The following CACNA1E variants were observed in gnomAD, a reference collection of about 807,000 sequenced individuals.
CACNA1E encodes the protein voltage-dependent R-type calcium channel subunit alpha-1E.
CACNA1E carries 40 observed loss-of-function variants against 259.2 expected under a neutral mutation model. The ratio of observed to expected loss-of-function variants is 0.15; its 90% confidence interval spans 0.12 to 0.20. The LOEUF (loss-of-function observed/expected upper bound fraction) is 0.20. CACNA1E is among the 10% of genes least tolerant of loss of function. The pLI, the probability that CACNA1E is intolerant of heterozygous loss-of-function variation, is 1.00. For synonymous variants in CACNA1E, 1,104 were observed against 1,138.5 expected (o/e 0.97, Z 0.61); for missense variants, 1,874 against 3,040.1 (o/e 0.62, Z 9.02).
At chr1:181,694,337 G>T (rs1016044098) in intron 7 of CACNA1E, among the ~76,000 whole-genome samples, 1 of 152,118 alleles carries the variant, frequency 6.6e-6, no homozygotes, top group Non-Finnish European at 1.5e-5. Flanking sequence ...ATTAATAATA[G>T]AAAAGAACTT....
Position 181,772,066 on chromosome 1 carries a change from G to A in CACNA1E, c.4974G>A (p.Arg1658=), listed in dbSNP as rs771751374. The A allele has an allele frequency of 1.2e-6, 2 of 1,613,654 alleles. No individual in the cohort carries two copies. The highest frequency in any genetic ancestry group is 1.7e-5 in the Admixed American group (1 of 59,996). ...TAACCAAAATGTCTCTTGGGCTCAGGAGTGCCACAGGTGAGGCCTGGCAGG... is the reference window on the plus strand; with the variant it reads ...TAACCAAAATGTCTCTTGGGCTCAGAAGTGCCACAGGTGAGGCCTGGCAGG... The part of the protein sequence containing the change: ...SFFGSLMLLF[R]SATGEAWQEI... The change falls in exon 37 of 48, where the codon AGG becomes AGA. Residue 1658 remains arginine (R), a splice_region_variant and synonymous_variant. Transcript: ENST00000367573.
intron 1 of CACNA1E, among the ~76,000 whole-genome samples, chr1:181,334,705 G>A (rs1242863432): frequency 1.3e-5 from 2 of 152,162 alleles, no homozygotes; most frequent in Admixed American, 1.3e-4. Flanking sequence ...CCTGGTTCAA[G>A]CTACTGTCAC....
chr1:181,330,322 C>T (rs1475384907), intron 1 of CACNA1E, among the ~76,000 whole-genome samples: 1 of 152,090 alleles, frequency 6.6e-6, no homozygotes, highest in East Asian at 1.9e-4. Context: ...CCACCTCCCC[C>T]CAGCCCCCTC....
chr1:181,616,191 T>A (rs535164180), intron 6 of CACNA1E, among the ~76,000 whole-genome samples: 1 of 152,244 alleles, frequency 6.6e-6, no homozygotes, highest in Non-Finnish European at 1.5e-5. Context: ...AGTTTTGATA[T>A]TAAGGTTAGG....
At chr1:181,650,375 G>A (rs1010100759) in intron 6 of CACNA1E, among the ~76,000 whole-genome samples, 4 of 152,150 alleles carry the variant, frequency 2.6e-5, no homozygotes, top group Admixed American at 6.6e-5. Flanking sequence ...GTTTCAAATG[G>A]GTCTTAGAGT....
At chr1:181,743,953 C>T (rs576996854) in intron 25 of CACNA1E, among the ~76,000 whole-genome samples, 9 of 152,354 alleles carry the variant, frequency 5.9e-5, no homozygotes, top group East Asian at 1.9e-4. Context: ...GGCTCTCTGG[C>T]GGCTGACGCC....
At chr1:181,785,178 G>T (rs579105) in intron 41 of CACNA1E, 140 bp from the exon 42 acceptor site, 7 of 649,876 alleles carry the variant, frequency 1.1e-5, no homozygotes, top group Non-Finnish European at 1.7e-5. Context: ...GGCACCATGG[G>T]GGCCCTCAAT....
chr1:181,435,581 C>T (rs1029585797), intron 2 of CACNA1E, among the ~76,000 whole-genome samples: 20 of 152,158 alleles, frequency 1.3e-4, no homozygotes, highest in African/African-American at 3.9e-4. Context: ...AGAGGACTTT[C>T]CTGACCACTC....
chr1:181,504,283 C>G (rs186538252), intron 1 of CACNA1E, among the ~76,000 whole-genome samples: 11 of 152,120 alleles, frequency 7.2e-5, no homozygotes, highest in Non-Finnish European at 1.0e-4. Context: ...TCTATACCCC[C>G]CCAGGAGTTT....
intron 7 of CACNA1E, among the ~76,000 whole-genome samples, chr1:181,657,135 C>T (rs1659272402): frequency 6.6e-6 from 1 of 152,058 alleles, no homozygotes; most frequent in African/African-American, 2.4e-5. Context: ...GAAATTGTTA[C>T]CAGTAAGAAA....
At chr1:181,790,598 T>C in intron 44 of CACNA1E, 42 bp downstream of exon 44, 1 of 1,176,186 alleles carries the variant, frequency 8.5e-7, no homozygotes, top group Non-Finnish European at 1.3e-6. Context: ...ACTTCCTTGG[T>C]TTCCTGATCC....
intron 6 of CACNA1E, among the ~76,000 whole-genome samples, chr1:181,637,278 G>C (rs996005035): frequency 6.6e-6 from 1 of 152,082 alleles, no homozygotes; most frequent in African/African-American, 2.4e-5. Context: ...CCTGGGAAGG[G>C]GTTATTAAGT....
At chr1:181,444,838 G>A (rs1027024712) in intron 2 of CACNA1E, among the ~76,000 whole-genome samples, 10 of 152,056 alleles carry the variant, frequency 6.6e-5, no homozygotes, top group Non-Finnish European at 8.8e-5. Flanking sequence ...TGAGTGCTCC[G>A]TAGACAACTT....
intron 3 of CACNA1E, among the ~76,000 whole-genome samples, chr1:181,556,211 G>C (rs1246672923): frequency 6.6e-6 from 1 of 152,172 alleles, no homozygotes; most frequent in Admixed American, 6.5e-5. Context: ...CTTACTAGAT[G>C]TCTTGCATCA....
chr1:181,634,265 A>G (rs1657005805), intron 6 of CACNA1E, among the ~76,000 whole-genome samples: 1 of 152,224 alleles, frequency 6.6e-6, no homozygotes, highest in Non-Finnish European at 1.5e-5. Context: ...ATCAGGTATG[A>G]GAAATCTCTC....
At chr1:181,722,021 T>TG in intron 16 of CACNA1E, 146 bp downstream of exon 16, 1 of 617,626 alleles carries the variant, frequency 1.6e-6, no homozygotes, top group African/African-American at 1.8e-5. Context: ...ATAAGGATCC[T>TG]GATCTGAAGG....
At chr1:181,548,574 C>T (rs953158981) in intron 3 of CACNA1E, among the ~76,000 whole-genome samples, 3 of 152,218 alleles carry the variant, frequency 2.0e-5, no homozygotes, top group Non-Finnish European at 4.4e-5. Context: ...ATGTCTTGCA[C>T]ATGGTTGTGC....
intron 3 of CACNA1E, among the ~76,000 whole-genome samples, chr1:181,572,237 T>C (rs1026340008): frequency 4.6e-5 from 7 of 152,146 alleles, no homozygotes; most frequent in South Asian, 2.1e-4. Flanking sequence ...GGAGAATTCT[T>C]TGGGCGACTA....
chr1:181,643,686 A>G lies in CACNA1E; in HGVS notation c.952-7652A>G, dbSNP rs368261046. On this transcript the variant is annotated intron_variant, in intron 6 of 47. Coordinates refer to ENST00000367573, the MANE Select transcript of CACNA1E (RefSeq NM_001205293.3). ...CTTTCTGTGCTCCTCCTCTTTGCCAAACACTCTGCTGCATTTTCCCACTGG... is the reference window on the plus strand; with the variant it reads ...CTTTCTGTGCTCCTCCTCTTTGCCAGACACTCTGCTGCATTTTCCCACTGG... Among the ~76,000 whole-genome samples the G allele has an allele frequency of 2.6e-5, 4 of 152,214 alleles. No homozygotes were observed. The South Asian group carries it at 8.3e-4, about 32-fold the overall frequency.
Sources: gnomAD v4.1 joint callset for allele counts (sites outside exome capture counted in the v4.1 genomes callset) on GRCh38, gnomAD v4.1.1 for gene constraint, MANE v1.5 for transcripts, NCBI Gene and HGNC (gene_info 2026-07-23, HGNC 2026-07-21) for gene names.